Variants in IMPG1 observed in about 807,000 individuals in gnomAD.
IMPG1 encodes interphotoreceptor matrix proteoglycan 1.
IMPG1 carries 85 observed loss-of-function variants against 92.0 expected under a neutral mutation model. The observed-to-expected ratio is 0.92, with a 90% CI of 0.78 to 1.11. IMPG1 has a LOEUF of 1.11. Among genes scored for constraint, IMPG1 ranks in the 50% least tolerant of loss-of-function variants. The pLI is 0.00. For synonymous variants in IMPG1, 367 were observed against 334.1 expected (o/e 1.10, Z -1.08); for missense variants, 1,022 against 956.0 (o/e 1.07, Z -0.91).
rs112736164 is a variant in IMPG1, at chr6:75,957,014, G to T, written c.1292-5920C>A. Among the ~76,000 whole-genome samples the T allele has an allele frequency of 2.3e-3, 345 of 152,186 alleles. 1 individual carries two copies. Among genetic ancestry groups the T allele is most frequent in the African/African-American group, 7.9e-3 (327 of 41,504 alleles). On this transcript the variant is annotated intron_variant, in intron 12 of 16. Coordinates refer to ENST00000369950, the MANE Select transcript of IMPG1 (RefSeq NM_001563.4). Reference sequence around the variant, plus strand: ...AGCTCACTGCAACTTCTGCCTCCCGGGTTTAAGCAATTCTCCTGCCTCAGC... The same window carrying T: ...AGCTCACTGCAACTTCTGCCTCCCGTGTTTAAGCAATTCTCCTGCCTCAGC...
chr6:75,950,789 C>A lies in IMPG1; in HGVS notation c.1597G>T (p.Val533Leu). 6.2e-7 allele frequency: 1 copy of A among 1,613,902 alleles called. No homozygotes were observed. Among genetic ancestry groups the A allele is most frequent in the Non-Finnish European group, 8.5e-7 (1 of 1,179,866 alleles). ...DLSDTPAPSE[V>L]PELSEYVSVP... Reference sequence around the variant, plus strand: ...GAAACATATTCGCTGAGCTCTGGTACCTCAGATGGGGCAGGAGTGTCAGAC... The same window carrying A: ...GAAACATATTCGCTGAGCTCTGGTAACTCAGATGGGGCAGGAGTGTCAGAC... The change falls in exon 13 of 17, where the codon GTA (valine) becomes TTA (leucine). Residue 533 changes from valine (V) to leucine (L), a missense_variant. Transcript: ENST00000369950.
At chr6:75,995,321 G>A (rs1782877685) in intron 12 of IMPG1, among the ~76,000 whole-genome samples, 1 of 152,108 alleles carries the variant, frequency 6.6e-6, no homozygotes, top group African/African-American at 2.4e-5. Flanking sequence ...TAAATTTGAG[G>A]TGTCATTGTT....
At chr6:75,922,976 A>G (rs1293411553) in intron 16 of IMPG1, among the ~76,000 whole-genome samples, 1 of 152,094 alleles carries the variant, frequency 6.6e-6, no homozygotes, top group Admixed American at 6.5e-5. Flanking sequence ...TGTTTCTATC[A>G]AAGACTATAA....
chr6:76,032,226 AT>A (rs1392460384), intron 4 of IMPG1, among the ~76,000 whole-genome samples: 1 of 151,804 alleles, frequency 6.6e-6, no homozygotes, highest in Non-Finnish European at 1.5e-5. Context: ...GTTTCTTATA[AT>A]TTTTAATGGT....
intron 12 of IMPG1, among the ~76,000 whole-genome samples, chr6:75,994,982 G>A (rs766692368): frequency 1.3e-5 from 2 of 152,148 alleles, no homozygotes; most frequent in Non-Finnish European, 1.5e-5. Flanking sequence ...CACCTGAGAG[G>A]CACGGCTAAA....
At chr6:76,072,350 G>A (rs773341150) in intron 1 of IMPG1, 72 bp downstream of exon 1, 2 of 817,142 alleles carry the variant, frequency 2.4e-6, no homozygotes, top group African/African-American at 1.7e-5. Flanking sequence ...AGCCTTGTTG[G>A]TTCTAAATAT....
intron 12 of IMPG1, among the ~76,000 whole-genome samples, chr6:75,962,010 C>T (rs1056488351): frequency 3.3e-5 from 5 of 152,092 alleles, no homozygotes; most frequent in African/African-American, 1.2e-4. Context: ...ACACAGTTAC[C>T]CAGGTGTAAA....
At chr6:75,973,560 A>G (rs1379597393) in intron 12 of IMPG1, among the ~76,000 whole-genome samples, 1 of 152,190 alleles carries the variant, frequency 6.6e-6, no homozygotes, top group East Asian at 1.9e-4. Context: ...CAAGAACCCT[A>G]TGAATAAGTA....
At chr6:75,970,700 T>C (rs999039009) in intron 12 of IMPG1, among the ~76,000 whole-genome samples, 1 of 152,182 alleles carries the variant, frequency 6.6e-6, no homozygotes, top group Non-Finnish European at 1.5e-5. Context: ...AATGAAGTAA[T>C]TGTAATATGG....
chr6:76,034,333 T>C lies in IMPG1; in HGVS notation c.479A>G (p.Gln160Arg), dbSNP rs779706335. Residue 160 changes from glutamine to arginine, a missense_variant, in exon 4 of 17, where the codon CAG becomes CGG. Coordinates refer to ENST00000369950, the MANE Select transcript of IMPG1 (RefSeq NM_001563.4). ...TACTTGCCTGTCAGGGAAACTTCTC[T>C]GTTTTATTCTCTGCAAAAAGATAAA... ...HLDLLQQRIK[Q>R]RSFPDRKDEI... The C allele has an allele frequency of 3.1e-6, 5 of 1,613,406 alleles. No homozygotes were observed. The East Asian group carries it at 8.9e-5, about 29-fold the overall frequency.
At chr6:75,963,211 A>T (rs1009519422) in intron 12 of IMPG1, among the ~76,000 whole-genome samples, 1 of 152,218 alleles carries the variant, frequency 6.6e-6, no homozygotes, top group African/African-American at 2.4e-5. Context: ...GTATTGCAAG[A>T]AACTTAACTC....
intron 12 of IMPG1, among the ~76,000 whole-genome samples, chr6:75,981,832 A>C (rs943056645): frequency 6.6e-6 from 1 of 152,234 alleles, no homozygotes; most frequent in Non-Finnish European, 1.5e-5. Flanking sequence ...TTTAAAAGAT[A>C]GTTTAGAAGC....
chr6:76,017,187 G>A (rs1783304122), intron 7 of IMPG1, among the ~76,000 whole-genome samples: 1 of 136,422 alleles, frequency 7.3e-6, no homozygotes, highest in Admixed American at 7.8e-5. Context: ...CTGGTATATG[G>A]TGAGGCTCAA....
Position 76,039,328 on chromosome 6 carries a change from C to T in IMPG1, c.301+2565G>A, listed in dbSNP as rs185904966. ...TCCATCTTTAACCTTCTCTAAGGCA[C>T]ACTTAAATGTGAAAGAAAGATCTAG... On this transcript the variant is annotated intron_variant, in intron 2 of 16. Transcript: ENST00000369950. 1.5e-4 allele frequency among the ~76,000 whole-genome samples: 22 copies of T among 150,740 alleles called. No homozygotes were observed. The East Asian group carries it at 3.7e-3, about 25-fold the overall frequency.
chr6:76,001,728 A>G (rs571918754), intron 12 of IMPG1, among the ~76,000 whole-genome samples: 1 of 152,366 alleles, frequency 6.6e-6, no homozygotes, highest in Admixed American at 6.5e-5. Flanking sequence ...AACATGGAGC[A>G]GAGAAAAGCT....
intron 12 of IMPG1, among the ~76,000 whole-genome samples, chr6:75,971,040 T>A (rs1175400313): frequency 6.6e-6 from 1 of 152,080 alleles, no homozygotes; most frequent in Non-Finnish European, 1.5e-5. Flanking sequence ...GCGGCACTAT[T>A]CACAATAGCA....
chr6:76,009,322 C>T (rs181151700), intron 8 of IMPG1, among the ~76,000 whole-genome samples: 42 of 152,264 alleles, frequency 2.8e-4, no homozygotes, highest in Admixed American at 2.6e-3. Flanking sequence ...CTAACTACTT[C>T]CCAGTCACGT....
At chr6:75,963,445 A>T (rs1044520050) in intron 12 of IMPG1, among the ~76,000 whole-genome samples, 2 of 138,224 alleles carry the variant, frequency 1.4e-5, no homozygotes, top group Non-Finnish European at 3.2e-5. Flanking sequence ...ATTTGACTTT[A>T]AAAAATTAAA....
intron 13 of IMPG1, among the ~76,000 whole-genome samples, chr6:75,949,308 G>C (rs1781985658): frequency 6.6e-6 from 1 of 152,126 alleles, no homozygotes; most frequent in Admixed American, 6.5e-5. Context: ...GAAGAAGCTG[G>C]CTAAATCCTA....
Sources: gnomAD v4.1 joint callset for allele counts (sites outside exome capture counted in the v4.1 genomes callset) on GRCh38, gnomAD v4.1.1 for gene constraint, MANE v1.5 for transcripts, NCBI Gene and HGNC (gene_info 2026-07-23, HGNC 2026-07-21) for gene names.